The following FBXO38 variants were observed in gnomAD, a reference collection of about 807,000 sequenced individuals.
FBXO38 encodes the protein F-box protein 38.
A neutral mutation model predicts 131.9 loss-of-function variants in FBXO38; 53 were observed. The observed-to-expected ratio is 0.40, with a 90% CI of 0.32 to 0.51. FBXO38 has a LOEUF of 0.51. FBXO38 is among the 20% of genes least tolerant of loss of function. The pLI, the probability that FBXO38 is intolerant of heterozygous loss-of-function variation, is 0.53. For synonymous variants in FBXO38, 452 were observed against 505.6 expected (o/e 0.89, Z 1.42); for missense variants, 1,076 against 1,475.6 (o/e 0.73, Z 4.44).
At chr5:148,414,855 T>C (rs1487202776) in intron 10 of FBXO38, among the ~76,000 whole-genome samples, 2 of 152,164 alleles carry the variant, frequency 1.3e-5, no homozygotes, top group Non-Finnish European at 2.9e-5. Flanking sequence ...CTCAGAGTAA[T>C]GTCATCTGTT....
chr5:148,401,879 G>A, intron 3 of FBXO38, 103 bp from the exon 4 acceptor site: 2 of 1,094,046 alleles, frequency 1.8e-6, no homozygotes, highest in Non-Finnish European at 2.6e-6. Flanking sequence ...ACGGAAATTT[G>A]AAGAGGAAGT....
chr5:148,384,812 G>C (rs896920505), intron 1 of FBXO38: 2 of 152,190 alleles, frequency 1.3e-5, no homozygotes, highest in African/African-American at 4.8e-5. Flanking sequence ...GCAATGAGAA[G>C]CTCTGTCCAG....
intron 1 of FBXO38, among the ~76,000 whole-genome samples, chr5:148,393,188 G>GGTGT (rs60593654): frequency 0.13 from 16,287 of 126,876 alleles, 1,197 homozygotes; most frequent in South Asian, 0.15. Flanking sequence ...ACAGAAGAGG[G>GGTGT]GTGTGTGTGT....
chr5:148,412,902 A>C (rs921644501), intron 9 of FBXO38, among the ~76,000 whole-genome samples: 2 of 152,082 alleles, frequency 1.3e-5, no homozygotes, highest in African/African-American at 4.8e-5. Flanking sequence ...AAGTAATATC[A>C]TCAGGATTTT....
At chr5:148,392,324 A>G (rs185139140) in intron 1 of FBXO38, among the ~76,000 whole-genome samples, 11 of 152,290 alleles carry the variant, frequency 7.2e-5, no homozygotes, top group Admixed American at 7.2e-4. Context: ...TATATTTAGG[A>G]TGATTTCAAG....
intron 8 of FBXO38, 107 bp from the exon 9 acceptor site, chr5:148,410,528 G>T: frequency 7.6e-7 from 1 of 1,316,166 alleles, no homozygotes; most frequent in African/African-American, 1.5e-5. Context: ...TCTCAGGTAC[G>T]TCTTTGTCAG....
chr5:148,424,615 T>C (rs1294319834), intron 13 of FBXO38, among the ~76,000 whole-genome samples: 1 of 152,180 alleles, frequency 6.6e-6, no homozygotes, highest in Non-Finnish European at 1.5e-5. Context: ...ATGGGGAAAT[T>C]AATTTTCTTT....
At chr5:148,401,735 A>G (rs1752162155) in intron 3 of FBXO38, among the ~76,000 whole-genome samples, 1 of 152,196 alleles carries the variant, frequency 6.6e-6, no homozygotes, top group African/African-American at 2.4e-5. Context: ...AAAAGCAACA[A>G]AAACCAAAAA....
intron 5 of FBXO38, 48 bp from the exon 6 acceptor site, chr5:148,404,636 AT>A (rs1338601970): frequency 6.7e-7 from 1 of 1,487,484 alleles, no homozygotes; most frequent in African/African-American, 1.4e-5. Context: ...AATATAGTAT[AT>A]TTTTGTGATT....
At chr5:148,421,985 A>G (rs761135364) in intron 12 of FBXO38, among the ~76,000 whole-genome samples, 33 of 151,038 alleles carry the variant, frequency 2.2e-4, no homozygotes, top group Non-Finnish European at 4.7e-4. Flanking sequence ...TCTCTGAAAC[A>G]TCTCTCCAGT....
rs767486704 is a variant in FBXO38 at position 148,403,256 on chromosome 5, G to T, written c.592+743G>T. The stretch of plus-strand genomic sequence containing the variant: ...CAGTTCATTGCAAATATAAGTACAG[G>T]GTAAGTTTTATTAAAATGCATTAAT... On this transcript the variant is annotated intron_variant, in intron 5 of 21. Transcript: ENST00000340253. 1.1e-4 allele frequency among the ~76,000 whole-genome samples: 16 copies of T among 151,876 alleles called. No individual in the cohort carries two copies. The East Asian group carries it at 2.5e-3, about 24-fold the overall frequency.
chr5:148,405,588 T>C (rs960926231), intron 6 of FBXO38, among the ~76,000 whole-genome samples: 8 of 152,234 alleles, frequency 5.3e-5, no homozygotes, highest in East Asian at 1.9e-4. Flanking sequence ...CACATTTGAC[T>C]ATTCATTGTT....
intron 3 of FBXO38, 58 bp from the exon 4 acceptor site, chr5:148,401,924 A>G (rs940730601): frequency 6.8e-7 from 1 of 1,480,228 alleles, no homozygotes; most frequent in South Asian, 1.4e-5. Flanking sequence ...ACGAGTGCCT[A>G]GTAAATGTTA....
At chr5:148,417,847 A>G (rs1030234206) in intron 12 of FBXO38, among the ~76,000 whole-genome samples, 2 of 152,170 alleles carry the variant, frequency 1.3e-5, no homozygotes, top group Non-Finnish European at 2.9e-5. Flanking sequence ...CCAGTTTCCC[A>G]GTTGACGCTT....
intron 7 of FBXO38, among the ~76,000 whole-genome samples, chr5:148,408,704 T>G (rs1305517695): frequency 6.6e-6 from 1 of 152,226 alleles, no homozygotes; most frequent in Non-Finnish European, 1.5e-5. Flanking sequence ...ATTTATGTTC[T>G]TTTTTGTAGG....
chr5:148,421,060 G>A (rs1301869987), intron 12 of FBXO38, among the ~76,000 whole-genome samples: 1 of 151,854 alleles, frequency 6.6e-6, no homozygotes, highest in East Asian at 1.9e-4. Flanking sequence ...TCCGCCTCCT[G>A]GGTTCAAGCG....
chr5:148,427,613 C>T lies in FBXO38; in HGVS notation c.2319C>T (p.Cys773=). Residue 773 remains cysteine (C), a synonymous_variant, in exon 15 of 22, where the codon TGC becomes TGT. Coordinates refer to ENST00000340253, the MANE Select transcript of FBXO38 (RefSeq NM_205836.3). ...MEEGDAESSV[C]PRCCCHRPQE... ...AGGGAGATGCAGAGAGTTCTGTCTG[C>T]CCCAGATGCTGCTGTCACAGGCCCC... is the stretch of plus-strand genomic sequence containing the variant. 6.2e-7 allele frequency: 1 copy of T among 1,614,182 alleles called. No individual in the cohort carries two copies. Among genetic ancestry groups the T allele is most frequent in the Non-Finnish European group, 8.5e-7 (1 of 1,180,030 alleles).
intron 12 of FBXO38, among the ~76,000 whole-genome samples, chr5:148,423,115 C>T (rs1753533716): frequency 1.3e-5 from 2 of 152,116 alleles, no homozygotes; most frequent in South Asian, 4.1e-4. Flanking sequence ...GTCTGTGTTC[C>T]CTTTGAACTT....
chr5:148,414,643 T>C (rs1441302211), intron 10 of FBXO38, among the ~76,000 whole-genome samples: 1 of 152,142 alleles, frequency 6.6e-6, no homozygotes, highest in Non-Finnish European at 1.5e-5. Context: ...TTTCTCAGAA[T>C]TATCTTCACA....
Sources: allele counts gnomAD v4.1 joint callset (sites outside exome capture counted in the v4.1 genomes callset), GRCh38; gene constraint gnomAD v4.1.1; transcripts MANE v1.5; gene names NCBI Gene and HGNC (gene_info 2026-07-23, HGNC 2026-07-21).